Variants in FXR2 observed in about 807,000 individuals in gnomAD.
FXR2 encodes FMR1 autosomal homolog 2.
In FXR2, 9 loss-of-function variants were observed where a neutral mutation model predicts 87.3. The observed-to-expected ratio is 0.10, with a 90% CI of 0.06 to 0.18. The LOEUF (loss-of-function observed/expected upper bound fraction) is 0.18. Ranked by LOEUF, FXR2 falls within the 10% of genes least tolerant of loss-of-function variation. The pLI is 1.00. For missense variants in FXR2, 661 were observed against 893.6 expected (o/e 0.74, Z 3.32); for synonymous variants, 331 against 328.3 (o/e 1.01, Z -0.09).
intron 1 of FXR2, among the ~76,000 whole-genome samples, chr17:7,607,488 C>T (rs1051314566): frequency 4.6e-5 from 7 of 151,704 alleles, no homozygotes; most frequent in South Asian, 2.1e-4. Context: ...AGTGTAATGG[C>T]GCAATCTTGG....
At position 7,591,667 on chromosome 17, in the gene FXR2, C is replaced by T; in HGVS notation, c.*163G>A. 3 of 663,738 alleles carry T rather than the reference C, an allele frequency of 4.5e-6. No homozygotes were observed. The highest frequency in any genetic ancestry group is 3.9e-4 in the Middle Eastern group (1 of 2,536). 41.1% of individuals were successfully genotyped at this position (663,738 alleles called of 1,614,324 possible). A position where few individuals can be genotyped will look rare whatever the true frequency, so the allele number is the denominator to read the frequency against. ...AGGGAGGGGGTATGACCCTGTTACA[C>T]ACCCCTCCACTAGCTCCTGGAGGTT... On this transcript the variant is annotated 3_prime_UTR_variant, in exon 17 of 17. Coordinates refer to ENST00000250113, the MANE Select transcript of FXR2 (RefSeq NM_004860.4). The surrounding 1 kb of genome is among the most constrained non-coding windows in gnomAD (Gnocchi z 4.0).
At chr17:7,609,898 A>G (rs892141662) in intron 1 of FXR2, among the ~76,000 whole-genome samples, 2 of 145,910 alleles carry the variant, frequency 1.4e-5, no homozygotes, top group Non-Finnish European at 3.0e-5. Flanking sequence ...ATATATATAC[A>G]CATACATATA....
In FXR2 at chr17:7,592,844, G is replaced by A; in HGVS notation, c.1579C>T (p.Pro527Ser). 3 of 1,610,160 alleles carry A rather than the reference G, an allele frequency of 1.9e-6. No homozygotes were observed. The highest frequency in any genetic ancestry group is 2.5e-6 in the Non-Finnish European group (3 of 1,178,056). ...NPYSLLDTSE[P>S]EPPVDSEPGE... is the part of the protein sequence containing the mutation. ...GGTTCTGAATCAACCGGGGGCTCTG[G>A]TTCAGACGTGTCCAATAGGCTGTAG... is the stretch of plus-strand genomic sequence containing the variant. Residue 527 changes from proline to serine, a missense_variant, in exon 14 of 17, where the codon CCA becomes TCA. This residue lies in a region of FXR2 where 409 missense variants were observed against 432.0 expected (regional missense o/e 0.95). Transcript: ENST00000250113. The surrounding 1 kb of genome is among the most constrained non-coding windows in gnomAD (Gnocchi z 4.8).
chr17:7,599,130 G>T, intron 7 of FXR2, among the ~76,000 whole-genome samples: 1 of 124,810 alleles, frequency 8.0e-6, no homozygotes, highest in Non-Finnish European at 1.8e-5. Context: ...GAGGGAAACT[G>T]TCTCCAAAAA....
intron 1 of FXR2, among the ~76,000 whole-genome samples, chr17:7,606,582 C>T (rs1183601238): frequency 1.3e-5 from 2 of 152,218 alleles, no homozygotes; most frequent in Non-Finnish European, 2.9e-5. Flanking sequence ...GGCCTACCTC[C>T]GCAATACAGC....
Position 7,594,060 on chromosome 17 carries a change from T to C in FXR2, c.1021-56A>G. ...AGAAAGGAAAATGAAATGGAAGGAT[T>C]AACGCCGCCCAGTCTCCTAGGGGAG... On this transcript the variant is annotated intron_variant, in intron 10 of 16. Transcript: ENST00000250113. This position sits in a 1 kb window ranked among gnomAD's most constrained non-coding sequence, Gnocchi z 5.1. 1 of 1,187,412 alleles carries C rather than the reference T, an allele frequency of 8.4e-7. No homozygotes were observed. The highest frequency in any genetic ancestry group is 1.3e-6 in the Non-Finnish European group (1 of 790,958). 73.6% of individuals were successfully genotyped at this position (1,187,412 alleles called of 1,614,324 possible).
At chr17:7,606,781 A>C (rs960776455) in intron 1 of FXR2, among the ~76,000 whole-genome samples, 2 of 152,148 alleles carry the variant, frequency 1.3e-5, no homozygotes, top group Admixed American at 1.3e-4. Context: ...AGGATAATAA[A>C]ATTTATGGAA....
chr17:7,607,427 A>T (rs2071812124), intron 1 of FXR2, among the ~76,000 whole-genome samples: 1 of 151,728 alleles, frequency 6.6e-6, no homozygotes, highest in African/African-American at 2.4e-5. Flanking sequence ...TTACATTTAC[A>T]TCTATAATCC....
chr17:7,613,869 C>A (rs562453926), intron 1 of FXR2: 2 of 360,682 alleles, frequency 5.5e-6, no homozygotes, highest in East Asian at 7.4e-5. Context: ...ACTGATCCAA[C>A]CCAGGGTTCC....
rs2071701822 is a variant in FXR2 at position 7,595,674 on chromosome 17, C to T, written c.831+150G>A. The T allele has an allele frequency of 1.6e-6, 1 of 627,664 alleles. No individual in the cohort carries two copies. The highest frequency in any genetic ancestry group is 2.8e-6 in the Non-Finnish European group (1 of 356,986). 38.9% of individuals were successfully genotyped at this position (627,664 alleles called of 1,614,324 possible). On this transcript the variant is annotated intron_variant, in intron 8 of 16. Transcript: ENST00000250113. The surrounding 1 kb of genome is among the most constrained non-coding windows in gnomAD (Gnocchi z 4.7). ...TGTTGCACAGGCTGGTCTCAAACTC[C>T]TAGGCTCAAGTGATCCTCTCACTTT...
chr17:7,609,941 CATGT>C (rs1305729051), intron 1 of FXR2, among the ~76,000 whole-genome samples: 10 of 139,466 alleles, frequency 7.2e-5, no homozygotes, highest in Admixed American at 1.5e-4. Flanking sequence ...TATATATATA[CATGT>C]ATATGTATAC....
At chr17:7,613,372 C>T (rs2071892777) in intron 1 of FXR2, among the ~76,000 whole-genome samples, 1 of 150,070 alleles carries the variant, frequency 6.7e-6, no homozygotes, top group South Asian at 2.1e-4. Flanking sequence ...CAAAGAAAAA[C>T]TCTTGGGAGG....
intron 1 of FXR2, among the ~76,000 whole-genome samples, chr17:7,607,724 G>C (rs2071814767): frequency 6.6e-6 from 1 of 152,026 alleles, no homozygotes; most frequent in African/African-American, 2.4e-5. Context: ...ACTGTGCCCA[G>C]CCTATGATCC....
At chr17:7,596,127 G>A (rs987863502) in intron 7 of FXR2, 133 bp from the exon 8 acceptor site, 69 of 687,106 alleles carry the variant, frequency 1.0e-4, no homozygotes, top group Non-Finnish European at 1.7e-4. Context: ...GGAGTCCGCG[G>A]ACCACGAGGA....
chr17:7,600,640 C>T (rs1395661551), intron 7 of FXR2, among the ~76,000 whole-genome samples: 1 of 151,936 alleles, frequency 6.6e-6, no homozygotes. Context: ...AATCCCAGCA[C>T]TTTGGGAGGC....
At chr17:7,608,762 T>C (rs2071825405) in intron 1 of FXR2, among the ~76,000 whole-genome samples, 1 of 152,204 alleles carries the variant, frequency 6.6e-6, no homozygotes, top group African/African-American at 2.4e-5. Context: ...TGGAGGACTT[T>C]TGGGAGTGAC....
In FXR2 at chr17:7,605,670, T is replaced by G; in HGVS notation, c.203A>C (p.Glu68Ala). Reference sequence around the variant, plus strand: ...CTCCACTTCATCCCCTTCTGTGATCTCCTTATTATAGTCAGCTGGAGGTGG... The same window carrying G: ...CTCCACTTCATCCCCTTCTGTGATCGCCTTATTATAGTCAGCTGGAGGTGG... Reference protein sequence around the residue: ...RLPPPADYNKEITEGDEVEVY... With the variant: ...RLPPPADYNKAITEGDEVEVY... The change falls in exon 3 of 17, where the codon GAG becomes GCG. Residue 68 changes from glutamate (E) to alanine (A), a missense_variant. By Grantham distance (107) the Glu-to-Ala change is moderately radical. This residue lies in a region of FXR2 where 170 missense variants were observed against 247.2 expected (regional missense o/e 0.69). Transcript: ENST00000250113. 6.3e-7 allele frequency: 1 copy of G among 1,580,386 alleles called. No homozygotes were observed. Among genetic ancestry groups the G allele is most frequent in the Non-Finnish European group, 8.7e-7 (1 of 1,150,262 alleles).
intron 7 of FXR2, among the ~76,000 whole-genome samples, chr17:7,598,771 G>A (rs917912041): frequency 2.6e-5 from 4 of 152,190 alleles, no homozygotes; most frequent in Admixed American, 6.5e-5. Context: ...CACTTTGGGA[G>A]GCCAAGGCAA....
At position 7,592,169 on chromosome 17, in the gene FXR2, TAGG is replaced by T. The variant is rs1038915627; in HGVS notation, c.1926+82_1926+84del. 45 of 1,554,360 alleles carry T rather than the reference TAGG, an allele frequency of 2.9e-5. No individual in the cohort carries two copies. The highest frequency in any genetic ancestry group is 2.2e-4 in the African/African-American group (16 of 73,218). ...AGACACAGCTGCCTCTGCAATTCAG[TAGG>T]AGATTTGTGAAATTTTTTGTGCCCC... On this transcript the variant is annotated intron_variant, in intron 16 of 16. Coordinates refer to ENST00000250113, the MANE Select transcript of FXR2 (RefSeq NM_004860.4). The surrounding 1 kb of genome is among the most constrained non-coding windows in gnomAD (Gnocchi z 4.8).
Sources: allele counts gnomAD v4.1 joint callset (sites outside exome capture counted in the v4.1 genomes callset), GRCh38; gene constraint gnomAD v4.1.1; regional missense constraint gnomAD v4.1.1; non-coding constraint Gnocchi (gnomAD v3.1); transcripts MANE v1.5; gene names NCBI Gene and HGNC (gene_info 2026-07-23, HGNC 2026-07-21).